LOC128706665: variants seen among roughly 807,000 people sequenced by gnomAD.
the LOC128706665 span, among the ~76,000 whole-genome samples, chr20:10,432,720 C>T: frequency 7.4e-6 from 1 of 135,092 alleles, no homozygotes; most frequent in African/African-American, 2.7e-5. Flanking sequence ...TGCTTGAACC[C>T]GGGAGGCGGA....
chr20:10,430,289 C>A, the LOC128706665 span, among the ~76,000 whole-genome samples: 1 of 152,158 alleles, frequency 6.6e-6, no homozygotes, highest in Non-Finnish European at 1.5e-5. Flanking sequence ...TCTTCACTTA[C>A]CACTTTACAA....
chr20:10,418,459 T>G, the LOC128706665 span, among the ~76,000 whole-genome samples: 1 of 152,206 alleles, frequency 6.6e-6, no homozygotes, highest in Non-Finnish European at 1.5e-5. Context: ...TGCATTCTTT[T>G]GATGTACTTC....
At chr20:10,415,217 T>C in the LOC128706665 span, among the ~76,000 whole-genome samples, 65 of 152,266 alleles carry the variant, frequency 4.3e-4, no homozygotes, top group African/African-American at 1.5e-3. Flanking sequence ...AAAGGTATAT[T>C]ATTCGTTAGT....
the LOC128706665 span, among the ~76,000 whole-genome samples, chr20:10,432,448 C>T: frequency 6.6e-6 from 1 of 152,110 alleles, no homozygotes; most frequent in South Asian, 2.1e-4. Context: ...GGATTGCATC[C>T]AGGACCCATG....
chr20:10,423,362 C>A, the LOC128706665 span, among the ~76,000 whole-genome samples: 7 of 152,094 alleles, frequency 4.6e-5, no homozygotes, highest in South Asian at 2.1e-4. Context: ...GCTGAGGCTG[C>A]GGTGAGCTGA....
the LOC128706665 span, among the ~76,000 whole-genome samples, chr20:10,419,925 C>T: frequency 6.6e-6 from 1 of 152,094 alleles, no homozygotes; most frequent in Non-Finnish European, 1.5e-5. Flanking sequence ...AGCCAAACTG[C>T]GGATAAAGGG....
the LOC128706665 span, among the ~76,000 whole-genome samples, chr20:10,416,853 G>A: frequency 1.3e-5 from 2 of 152,178 alleles, no homozygotes; most frequent in Non-Finnish European, 2.9e-5. Context: ...TTATTGGAAA[G>A]CAGCCATGCT....
chr20:10,417,489 T>C, the LOC128706665 span, among the ~76,000 whole-genome samples: 1 of 152,200 alleles, frequency 6.6e-6, no homozygotes, highest in African/African-American at 2.4e-5. Context: ...CGGATGCCTA[T>C]AGTCCCAGCT....
chr20:10,427,619 CA>C, the LOC128706665 span, among the ~76,000 whole-genome samples: 1 of 152,172 alleles, frequency 6.6e-6, no homozygotes, highest in Non-Finnish European at 1.5e-5. Flanking sequence ...TGAATTGTGG[CA>C]TTTTTTCTGT....
the LOC128706665 span, among the ~76,000 whole-genome samples, chr20:10,414,265 C>A: frequency 4.5e-5 from 6 of 132,360 alleles, no homozygotes; most frequent in South Asian, 2.5e-4. Context: ...GTCTCTGAGT[C>A]TTTTTTTTTT....
At chr20:10,423,006 C>A in the LOC128706665 span, among the ~76,000 whole-genome samples, 1 of 152,076 alleles carries the variant, frequency 6.6e-6, no homozygotes, top group Admixed American at 6.6e-5. Context: ...CCACTGCGCC[C>A]GGCCCTTCAA....
At chr20:10,425,318 T>C in the LOC128706665 span, among the ~76,000 whole-genome samples, 8 of 152,210 alleles carry the variant, frequency 5.3e-5, no homozygotes, top group East Asian at 9.6e-4. Flanking sequence ...CAATCTGTGA[T>C]TGAAAGAAAT....
chr20:10,416,976 A>G, the LOC128706665 span, among the ~76,000 whole-genome samples: 2 of 152,124 alleles, frequency 1.3e-5, no homozygotes, highest in South Asian at 4.1e-4. Flanking sequence ...CTGATCTTTT[A>G]TAGAAAAAAA....
the LOC128706665 span, among the ~76,000 whole-genome samples, chr20:10,427,436 A>G: frequency 1.3e-5 from 2 of 152,256 alleles, no homozygotes; most frequent in Non-Finnish European, 2.9e-5. Flanking sequence ...TTAAAAACCA[A>G]TTAACCCAGC....
the LOC128706665 span, chr20:10,431,870 T>C: frequency 2.2e-4 from 34 of 152,400 alleles, no homozygotes; most frequent in African/African-American, 7.9e-4. Flanking sequence ...TTAGTTCAGA[T>C]GTCACCTACT....
At chr20:10,418,917 A>G in the LOC128706665 span, among the ~76,000 whole-genome samples, 7 of 152,088 alleles carry the variant, frequency 4.6e-5, no homozygotes, top group Admixed American at 4.6e-4. Flanking sequence ...TATAAATACA[A>G]ATTTTATATA....
chr20:10,416,932 CT>C, the LOC128706665 span, among the ~76,000 whole-genome samples: 1 of 152,118 alleles, frequency 6.6e-6, no homozygotes, highest in Non-Finnish European at 1.5e-5. Flanking sequence ...GGTATAGACA[CT>C]ATATGATCTG....
chr20:10,433,318 T>C, the LOC128706665 span, among the ~76,000 whole-genome samples: 1 of 152,216 alleles, frequency 6.6e-6, no homozygotes. Context: ...CAAAATATTT[T>C]CTATCCGCAG....
At chr20:10,430,599 G>T in the LOC128706665 span, among the ~76,000 whole-genome samples, 1 of 152,188 alleles carries the variant, frequency 6.6e-6, no homozygotes, top group African/African-American at 2.4e-5. Flanking sequence ...GTTTCAGTTA[G>T]TTAGCTAAGA....
Sources: gnomAD v4.1 joint callset for allele counts (sites outside exome capture counted in the v4.1 genomes callset) on GRCh38, gnomAD v4.1.1 for gene constraint, MANE v1.5 for transcripts.